CFAP20: variants seen among roughly 807,000 people sequenced by gnomAD.
CFAP20 encodes cilia- and flagella-associated protein 20.
Under a neutral mutation model 25.5 loss-of-function variants are expected in CFAP20, and 14 were observed. The ratio of observed to expected loss-of-function variants is 0.55; its 90% CI spans 0.36 to 0.86. The LOEUF (loss-of-function observed/expected upper bound fraction) is 0.86, where lower values mean the gene tolerates loss of function less well. Among genes scored for constraint, CFAP20 ranks in the 40% least tolerant of loss-of-function variants. CFAP20 has a pLI of 0.01. For synonymous variants in CFAP20, 75 were observed against 91.1 expected, an observed-to-expected ratio of 0.82 and a Z score of 1.01; for missense variants, 181 against 248.0, an observed-to-expected ratio of 0.73 and a Z score of 1.81.
chr16:58,116,046 C>A lies in CFAP20; in HGVS notation c.271G>T (p.Val91Leu). ...KNLKKYFTFE[V>L]QVLDDKNVRR... The stretch of plus-strand genomic sequence containing the variant: ...ATTCATGTACACATACTTACCTGCA[C>A]TTCGAAGGTAAAATACTTCTTCAGG... The change falls in exon 3 of 6, where the codon GTG becomes TTG. Residue 91 changes from valine to leucine, a missense_variant. By Grantham distance (32) the Val-to-Leu change is conservative. Coordinates refer to ENST00000262498, the MANE Select transcript of CFAP20 (RefSeq NM_013242.3). The A allele has an allele frequency of 1.2e-6, 2 of 1,600,138 alleles. No homozygotes were observed. The highest frequency in any genetic ancestry group is 4.5e-5 in the East Asian group (2 of 44,824).
intron 1 of CFAP20, among the ~76,000 whole-genome samples, chr16:58,126,593 C>A (rs191083964): frequency 6.6e-6 from 1 of 152,164 alleles, no homozygotes; most frequent in South Asian, 2.1e-4. Flanking sequence ...TCAATATATA[C>A]CTACTGGCAA....
At chr16:58,122,824 C>T (rs1960552748) in intron 1 of CFAP20, among the ~76,000 whole-genome samples, 1 of 152,092 alleles carries the variant, frequency 6.6e-6, no homozygotes, top group African/African-American at 2.4e-5. Context: ...AAAATTAGAA[C>T]AGGACATGGG....
chr16:58,128,837 C>A (rs569257943), intron 1 of CFAP20, among the ~76,000 whole-genome samples, 195 bp downstream of exon 1: 2 of 146,494 alleles, frequency 1.4e-5, no homozygotes, highest in South Asian at 2.2e-4. Context: ...GCACCGCCCC[C>A]CCCCCACCTC....
intron 5 of CFAP20, 25 bp from the exon 6 acceptor site, chr16:58,114,055 GC>G (rs764195180): frequency 1.5e-5 from 24 of 1,612,816 alleles, no homozygotes; most frequent in Non-Finnish European, 1.9e-5. Context: ...CAGAGAAGTG[GC>G]ATCAGTTTAA....
At chr16:58,123,489 C>T (rs1206390255) in intron 1 of CFAP20, among the ~76,000 whole-genome samples, 1 of 145,812 alleles carries the variant, frequency 6.9e-6, no homozygotes, top group Non-Finnish European at 1.5e-5. Flanking sequence ...CCAGCTACTC[C>T]GGAGGCTGAG....
chr16:58,115,559 G>T, intron 3 of CFAP20, 102 bp from the exon 4 acceptor site: 1 of 1,383,366 alleles, frequency 7.2e-7, no homozygotes, highest in East Asian at 2.5e-5. Flanking sequence ...GCTTTCCCAA[G>T]GCTGAGACTT....
At position 58,129,196 on chromosome 16, in the gene CFAP20, A is replaced by C; in HGVS notation, c.-81T>G. On this transcript the variant is annotated 5_prime_UTR_variant, in exon 1 of 6. Transcript: ENST00000262498. ...GATACAGGCACCGAGCGTCGAGGGC[A>C]CAGCAGCAGGCCGGCCCTGTTCCGA... 7.5e-6 allele frequency: 11 copies of C among 1,471,092 alleles called. No homozygotes were observed. The highest frequency in any genetic ancestry group is 1.0e-5 in the Non-Finnish European group (11 of 1,070,002). 91.1% of individuals were successfully genotyped at this position (1,471,092 alleles called of 1,614,324 possible). A position where few individuals can be genotyped will look rare whatever the true frequency, so the allele number is the denominator to read the frequency against.
chr16:58,113,863 CG>C lies in CFAP20; in HGVS notation c.*161del. On this transcript the variant is annotated 3_prime_UTR_variant, in exon 6 of 6. Transcript: ENST00000262498. ...CACTTACAATGCAGTCACAGAGTTA[CG>C]GCATGTTCACCGGTGTCCATGACAA... 2 of 786,916 alleles carry C rather than the reference CG, an allele frequency of 2.5e-6. No homozygotes were observed. The highest frequency in any genetic ancestry group is 5.4e-5 in the East Asian group (2 of 37,288). 48.7% of individuals were successfully genotyped at this position (786,916 alleles called of 1,614,324 possible).
intron 1 of CFAP20, among the ~76,000 whole-genome samples, chr16:58,118,348 T>C (rs753758403): frequency 6.6e-6 from 1 of 151,924 alleles, no homozygotes; most frequent in Non-Finnish European, 1.5e-5. Context: ...GGCGTGCACC[T>C]GTAGTGTGCC....
chr16:58,114,715 AG>A, intron 5 of CFAP20, 94 bp downstream of exon 5: 2 of 950,178 alleles, frequency 2.1e-6, no homozygotes, highest in Non-Finnish European at 3.3e-6. Flanking sequence ...CAACACAGAG[AG>A]GCTCTGCAGC....
chr16:58,113,963 A>G lies in CFAP20; in HGVS notation c.*62T>C, dbSNP rs1034449787. 7 of 1,554,564 alleles carry G rather than the reference A, an allele frequency of 4.5e-6. No individual in the cohort carries two copies. The highest frequency in any genetic ancestry group is 6.2e-6 in the Non-Finnish European group (7 of 1,126,052). On this transcript the variant is annotated 3_prime_UTR_variant, in exon 6 of 6. Transcript: ENST00000262498. ...AATATGTTTTTGCATCGTCCTCCAC[A>G]TAGTTTCCTTTTAAAAAGAAGAGTC...
In CFAP20 at chr16:58,116,970, G is replaced by GATT; in HGVS notation, c.85-22_85-20dup. 1 of 1,605,654 alleles carries GATT rather than the reference G, an allele frequency of 6.2e-7. No homozygotes were observed. Among genetic ancestry groups the GATT allele is most frequent in the South Asian group, 1.1e-5 (1 of 90,848 alleles). ...TCCGTACCTACAAGAAAGAAAATTC[G>GATT]ATTAGTACTGAAATATCTGACAAGG... On this transcript the variant is annotated intron_variant, in intron 1 of 5. Transcript: ENST00000262498.
intron 3 of CFAP20, 173 bp from the exon 4 acceptor site, chr16:58,115,630 C>A: frequency 1.4e-6 from 1 of 705,660 alleles, no homozygotes; most frequent in South Asian, 1.9e-5. Context: ...CCGGAAGTAG[C>A]AAGTTTATCT....
At position 58,113,831 on chromosome 16, in the gene CFAP20, C is replaced by T. The variant is rs1409000778; in HGVS notation, c.*194G>A. ...TGCGCCACTCACAGGACTGCTTACC[C>T]CCACTGCACTTACAATGCAGTCACA... On this transcript the variant is annotated 3_prime_UTR_variant, in exon 6 of 6. Transcript: ENST00000262498. The T allele has an allele frequency of 3.2e-6, 2 of 634,512 alleles. No homozygotes were observed. The highest frequency in any genetic ancestry group is 5.6e-6 in the Non-Finnish European group (2 of 359,968). 39.3% of individuals were successfully genotyped at this position (634,512 alleles called of 1,614,324 possible).
intron 5 of CFAP20, among the ~76,000 whole-genome samples, 166 bp downstream of exon 5, chr16:58,114,644 T>A (rs1199909209): frequency 2.6e-5 from 4 of 152,134 alleles, no homozygotes; most frequent in Non-Finnish European, 4.4e-5. Flanking sequence ...CACAGGAGCA[T>A]TCCTGATTCA....
chr16:58,127,172 T>C (rs889725166), intron 1 of CFAP20, among the ~76,000 whole-genome samples: 1 of 152,234 alleles, frequency 6.6e-6, no homozygotes, highest in East Asian at 1.9e-4. Context: ...ATGGTTACTA[T>C]GCTTTTATAT....
intron 5 of CFAP20, 67 bp downstream of exon 5, chr16:58,114,743 A>G (rs1006964336): frequency 3.0e-6 from 4 of 1,317,570 alleles, no homozygotes; most frequent in Non-Finnish European, 3.3e-6. Context: ...CTTAGACCAG[A>G]GCACCTTCCA....
chr16:58,114,003 A>C lies in CFAP20; in HGVS notation c.*22T>G. 1.9e-6 allele frequency: 3 copies of C among 1,612,146 alleles called. No homozygotes were observed. Among genetic ancestry groups the C allele is most frequent in the South Asian group, 2.2e-5 (2 of 91,034 alleles). ...AAAGAAGAGTCACATCCAGGGGTCTATCCCTCGAGTCACAATTCCAGTTAT... is the reference window on the plus strand; with the variant it reads ...AAAGAAGAGTCACATCCAGGGGTCTCTCCCTCGAGTCACAATTCCAGTTAT... On this transcript the variant is annotated 3_prime_UTR_variant, in exon 6 of 6. Transcript: ENST00000262498.
chr16:58,126,182 T>A (rs535875122), intron 1 of CFAP20, among the ~76,000 whole-genome samples: 15 of 152,176 alleles, frequency 9.9e-5, no homozygotes, highest in Non-Finnish European at 1.8e-4. Flanking sequence ...GTACTGTTCT[T>A]CTGCTTAAGG....
Sources: gnomAD v4.1 joint callset for allele counts (sites outside exome capture counted in the v4.1 genomes callset) on GRCh38, gnomAD v4.1.1 for gene constraint, MANE v1.5 for transcripts, NCBI Gene and HGNC (gene_info 2026-07-23, HGNC 2026-07-21) for gene names.